The following TNS3 variants were observed in gnomAD, a reference collection of about 807,000 sequenced individuals.
The protein encoded by TNS3 is tensin-3.
In TNS3, 45 loss-of-function variants were observed where a neutral mutation model predicts 140.9. That is an observed-to-expected ratio of 0.32 (90% CI 0.25 to 0.41). The LOEUF is 0.41. TNS3 is among the 10% of genes least tolerant of loss of function. The pLI is 1.00. For synonymous variants in TNS3, 815 were observed against 788.4 expected (o/e 1.03, Z -0.56); for missense variants, 1,716 against 1,906.7 (o/e 0.90, Z 1.86).
intron 20 of TNS3, among the ~76,000 whole-genome samples, chr7:47,308,531 A>G (rs925809976): frequency 6.6e-6 from 1 of 152,290 alleles, no homozygotes; most frequent in Non-Finnish European, 1.5e-5. Flanking sequence ...AATGCCAGAC[A>G]CTGTGATTTT....
chr7:47,302,811 T>C, intron 22 of TNS3, 139 bp downstream of exon 22: 3 of 1,216,474 alleles, frequency 2.5e-6, no homozygotes, highest in Non-Finnish European at 1.1e-6. Flanking sequence ...AATGGAAAAG[T>C]ACCCCAACGG....
rs969101293 is a variant in TNS3, at chr7:47,407,632, G to T, written c.723+4095C>A. Among the ~76,000 whole-genome samples, 8 of 152,202 alleles carry T rather than the reference G, an allele frequency of 5.3e-5. No homozygotes were observed. Among genetic ancestry groups the T allele is most frequent in the Non-Finnish European group, 1.2e-4 (8 of 68,038 alleles). On this transcript the variant is annotated intron_variant, in intron 13 of 30. Transcript: ENST00000311160. This position sits in a 1 kb window ranked among gnomAD's most constrained non-coding sequence, Gnocchi z 4.1. ...TCCTTCCAAAATCCATAAGTTGAAG[G>T]TCTCAGCACTTCAGCATAGGGCTGT... is the stretch of plus-strand genomic sequence containing the variant.
intron 20 of TNS3, among the ~76,000 whole-genome samples, chr7:47,333,365 G>A (rs1221803418): frequency 1.3e-5 from 2 of 152,168 alleles, no homozygotes; most frequent in Non-Finnish European, 2.9e-5. Flanking sequence ...GCATTCTTTG[G>A]CACTAATTGG....
At chr7:47,397,696 GA>G (rs1792917009) in intron 15 of TNS3, among the ~76,000 whole-genome samples, 2 of 152,254 alleles carry the variant, frequency 1.3e-5, no homozygotes, top group African/African-American at 4.8e-5. Context: ...GTGTTAAGAG[GA>G]AAGTTTATAG....
intron 20 of TNS3, among the ~76,000 whole-genome samples, chr7:47,308,343 C>T (rs1195838148): frequency 3.9e-5 from 6 of 152,236 alleles, no homozygotes; most frequent in East Asian, 3.9e-4. Flanking sequence ...ATATGTTCCA[C>T]GACTCTACTT....
Position 47,278,004 on chromosome 7 carries a change from C to T in TNS3, c.*72G>A, listed in dbSNP as rs551165359. The T allele has an allele frequency of 1.9e-6, 3 of 1,601,602 alleles. No individual in the cohort carries two copies. Among genetic ancestry groups the T allele is most frequent in the East Asian group, 2.2e-5 (1 of 44,642 alleles). On this transcript the variant is annotated 3_prime_UTR_variant, in exon 31 of 31. Coordinates refer to ENST00000311160, the MANE Select transcript of TNS3 (RefSeq NM_022748.12). ...TTACTAGTTTGGTAAAAAGTGGGGGCCCCACCCTCACCCAACGGCTGTCTC... is the reference window on the plus strand; with the variant it reads ...TTACTAGTTTGGTAAAAAGTGGGGGTCCCACCCTCACCCAACGGCTGTCTC...
At chr7:47,500,090 C>G (rs1377711782) in intron 3 of TNS3, among the ~76,000 whole-genome samples, 1 of 152,048 alleles carries the variant, frequency 6.6e-6, no homozygotes, top group Non-Finnish European at 1.5e-5. Flanking sequence ...AAAACACACA[C>G]ACACACGCAC....
intron 4 of TNS3, among the ~76,000 whole-genome samples, chr7:47,457,526 T>G (rs888363439): frequency 2.0e-5 from 3 of 151,664 alleles, no homozygotes; most frequent in African/African-American, 7.3e-5. Flanking sequence ...TCCTAATCAC[T>G]CTCCCTTTCA....
chr7:47,293,911 G>A, intron 24 of TNS3, 83 bp from the exon 25 acceptor site: 6 of 1,301,258 alleles, frequency 4.6e-6, no homozygotes, highest in Admixed American at 1.8e-5. Flanking sequence ...TAAAAGCCAG[G>A]AGCTACAGTT....
intron 10 of TNS3, among the ~76,000 whole-genome samples, chr7:47,416,318 C>A (rs12216631): frequency 0.2 from 30,755 of 152,092 alleles, 3,636 homozygotes; most frequent in African/African-American, 0.33. Flanking sequence ...TGTGTTAAGA[C>A]AAAAGTCTCT....
rs10237528 is a variant in TNS3 at position 47,467,270 on chromosome 7, G to A, written c.-76+13833C>T. On this transcript the variant is annotated intron_variant, in intron 4 of 30. Coordinates refer to ENST00000311160, the MANE Select transcript of TNS3 (RefSeq NM_022748.12). Reference sequence around the variant, plus strand: ...GATGGGGAGTGCTAGTGGTCATCACGCTGGGAAACGAAGTGTTAGTTAAGT... The same window carrying A: ...GATGGGGAGTGCTAGTGGTCATCACACTGGGAAACGAAGTGTTAGTTAAGT... 9.0e-3 allele frequency among the ~76,000 whole-genome samples: 1,364 copies of A among 152,286 alleles called. 21 individuals carry two copies. Among genetic ancestry groups the A allele is most frequent in the African/African-American group, 0.031 (1,299 of 41,544 alleles).
chr7:47,346,260 C>T lies in TNS3; in HGVS notation c.2378G>A (p.Cys793Tyr), dbSNP rs762768984. ...DAGGQLPFSK[C>Y]AWGKAGVDYA... The stretch of plus-strand genomic sequence containing the variant: ...GTCCACACCAGCCTTTCCCCATGCA[C>T]ATTTGGAGAAGGGCAGCTGCCCCCC... The change falls in exon 18 of 31, where the codon TGT becomes TAT. Residue 793 changes from cysteine to tyrosine, a missense_variant. By Grantham distance (194) the Cys-to-Tyr change is radical. Around this residue, in one of 3 missense-constraint regions of TNS3, gnomAD observed 1,163 missense variants for 1,182.1 expected, o/e 0.98. Transcript: ENST00000311160. 27 of 1,614,086 alleles carry T rather than the reference C, an allele frequency of 1.7e-5. 1 individual carries two copies. The South Asian group carries it at 2.9e-4, about 17-fold the overall frequency.
chr7:47,364,287 T>C (rs2151116602), intron 17 of TNS3, among the ~76,000 whole-genome samples: 1 of 149,866 alleles, frequency 6.7e-6, no homozygotes, highest in African/African-American at 2.5e-5. Context: ...ATTTTTTTTT[T>C]TTTTTTTTTT....
intron 1 of TNS3, among the ~76,000 whole-genome samples, chr7:47,578,936 C>T (rs1317237867): frequency 6.6e-6 from 1 of 151,094 alleles, no homozygotes; most frequent in Admixed American, 6.6e-5. Context: ...TGCTCAGCAG[C>T]ATTTTGGTGG....
intron 27 of TNS3, among the ~76,000 whole-genome samples, chr7:47,291,653 G>T (rs969188492): frequency 6.6e-6 from 1 of 151,966 alleles, no homozygotes; most frequent in Non-Finnish European, 1.5e-5. Context: ...TACATTTACA[G>T]TTGCCGAGAC....
chr7:47,551,378 C>A (rs1481953335), intron 1 of TNS3, among the ~76,000 whole-genome samples: 1 of 152,218 alleles, frequency 6.6e-6, no homozygotes, highest in Non-Finnish European at 1.5e-5. Context: ...CAGGTGTTTC[C>A]TTAAGCAAAT....
intron 1 of TNS3, among the ~76,000 whole-genome samples, chr7:47,562,755 G>A (rs1279296735): frequency 6.6e-6 from 1 of 152,200 alleles, no homozygotes; most frequent in Non-Finnish European, 1.5e-5. Context: ...GACATCCTTG[G>A]AGATGCTGGT....
intron 4 of TNS3, among the ~76,000 whole-genome samples, chr7:47,475,799 A>G (rs1358566253): frequency 6.6e-6 from 1 of 152,238 alleles, no homozygotes; most frequent in Non-Finnish European, 1.5e-5. Flanking sequence ...AGGCCGCAGC[A>G]TCATGAAAAG....
chr7:47,283,993 G>A, intron 27 of TNS3, 128 bp from the exon 28 acceptor site: 3 of 812,986 alleles, frequency 3.7e-6, no homozygotes, highest in Non-Finnish European at 5.4e-6. Context: ...CCTATGCTGG[G>A]TGCATGTAAG....
Sources: allele counts gnomAD v4.1 joint callset (sites outside exome capture counted in the v4.1 genomes callset), GRCh38; gene constraint gnomAD v4.1.1; regional missense constraint gnomAD v4.1.1; non-coding constraint Gnocchi (gnomAD v3.1); transcripts MANE v1.5; gene names NCBI Gene and HGNC (gene_info 2026-07-23, HGNC 2026-07-21).